The following SPMIP4 variants were observed in gnomAD, a reference collection of about 807,000 sequenced individuals.
The protein encoded by SPMIP4 is sperm-associated microtubule inner protein 4.
the SPMIP4 span, among the ~76,000 whole-genome samples, chr7:25,158,887 C>T: frequency 6.6e-6 from 1 of 151,944 alleles, no homozygotes; most frequent in South Asian, 2.1e-4. Flanking sequence ...ATGATATACC[C>T]CATTTTCAAA....
the SPMIP4 span, chr7:25,142,461 T>C: frequency 1.2e-6 from 1 of 838,246 alleles, no homozygotes; most frequent in Non-Finnish European, 1.8e-6. Flanking sequence ...AAACCAACCC[T>C]ACCTCCCAGC....
chr7:25,168,416 C>T, the SPMIP4 span: 59 of 1,609,734 alleles, frequency 3.7e-5, no homozygotes, highest in East Asian at 6.7e-4. Context: ...TCTCTTTCAG[C>T]GCCCCAAGGA....
the SPMIP4 span, among the ~76,000 whole-genome samples, chr7:25,161,457 G>T: frequency 1.3e-5 from 2 of 151,742 alleles, no homozygotes; most frequent in African/African-American, 4.8e-5. Context: ...GACTTATCTT[G>T]AACTCCTGGG....
At chr7:25,149,158 C>T in the SPMIP4 span, among the ~76,000 whole-genome samples, 1 of 152,298 alleles carries the variant, frequency 6.6e-6, no homozygotes, top group African/African-American at 2.4e-5. Context: ...ACTTAAAAGA[C>T]ATGAGGAGGT....
chr7:25,165,111 T>C, the SPMIP4 span, among the ~76,000 whole-genome samples: 1 of 152,370 alleles, frequency 6.6e-6, no homozygotes, highest in South Asian at 2.1e-4. Flanking sequence ...TTTCATATAA[T>C]GACTTCTTTT....
At chr7:25,140,304 T>C in the SPMIP4 span, among the ~76,000 whole-genome samples, 2 of 152,204 alleles carry the variant, frequency 1.3e-5, no homozygotes, top group East Asian at 3.9e-4. Context: ...TTTTATTTTA[T>C]TTATTAATTT....
the SPMIP4 span, among the ~76,000 whole-genome samples, chr7:25,139,719 T>A: frequency 6.6e-6 from 1 of 152,194 alleles, no homozygotes; most frequent in African/African-American, 2.4e-5. Flanking sequence ...TTTGTTAAAT[T>A]TGTCATAAAA....
chr7:25,177,446 G>A, the SPMIP4 span, among the ~76,000 whole-genome samples: 2 of 152,020 alleles, frequency 1.3e-5, no homozygotes, highest in African/African-American at 4.8e-5. Flanking sequence ...TTGTGCCACT[G>A]CACTCCAGCC....
At chr7:25,149,711 A>G in the SPMIP4 span, among the ~76,000 whole-genome samples, 9 of 152,210 alleles carry the variant, frequency 5.9e-5, no homozygotes, top group Non-Finnish European at 1.2e-4. Flanking sequence ...CAGATGAGGG[A>G]GATATCATTT....
chr7:25,151,248 A>C, the SPMIP4 span, among the ~76,000 whole-genome samples: 1 of 128,168 alleles, frequency 7.8e-6, no homozygotes. Flanking sequence ...TTTTAAACAG[A>C]GTTCACTCTG....
At chr7:25,151,524 A>G in the SPMIP4 span, 223 of 966,816 alleles carry the variant, frequency 2.3e-4, no homozygotes, top group Admixed American at 3.6e-4. Flanking sequence ...TGTCAAGCCT[A>G]GATTTTTATA....
At chr7:25,151,841 T>C in the SPMIP4 span, among the ~76,000 whole-genome samples, 1 of 152,188 alleles carries the variant, frequency 6.6e-6, no homozygotes, top group Non-Finnish European at 1.5e-5. Flanking sequence ...GCTCTTGAAT[T>C]CTTTTTATTT....
the SPMIP4 span, chr7:25,151,759 AT>A: frequency 1.3e-6 from 1 of 771,818 alleles, no homozygotes; most frequent in South Asian, 1.7e-5. Flanking sequence ...TAGAAATGAG[AT>A]AATACAAGGT....
At chr7:25,134,184 C>G in the SPMIP4 span, among the ~76,000 whole-genome samples, 1 of 151,936 alleles carries the variant, frequency 6.6e-6, no homozygotes, top group Non-Finnish European at 1.5e-5. Context: ...CGCTTGAACC[C>G]AGGAGGCGGA....
the SPMIP4 span, among the ~76,000 whole-genome samples, chr7:25,154,552 C>T: frequency 6.6e-6 from 1 of 152,174 alleles, no homozygotes; most frequent in African/African-American, 2.4e-5. Flanking sequence ...ACAAACTACT[C>T]CCATTGCTTT....
chr7:25,137,628 G>C, the SPMIP4 span, among the ~76,000 whole-genome samples: 1 of 152,090 alleles, frequency 6.6e-6, no homozygotes, highest in Admixed American at 6.5e-5. Context: ...AGTGTCCCTT[G>C]GCTTGTAGAG....
the SPMIP4 span, among the ~76,000 whole-genome samples, chr7:25,174,382 C>T: frequency 2.6e-5 from 4 of 152,068 alleles, no homozygotes; most frequent in Non-Finnish European, 5.9e-5. The surrounding 1 kb of genome is among the most constrained non-coding windows in gnomAD (Gnocchi z 4.5). Flanking sequence ...CCATCTCTAG[C>T]GATAGAAAAT....
At chr7:25,139,324 G>T in the SPMIP4 span, among the ~76,000 whole-genome samples, 2 of 152,094 alleles carry the variant, frequency 1.3e-5, no homozygotes, top group African/African-American at 2.4e-5. Flanking sequence ...TGGAAAGATG[G>T]ATAGATTATG....
At chr7:25,158,044 C>T in the SPMIP4 span, among the ~76,000 whole-genome samples, 1 of 152,158 alleles carries the variant, frequency 6.6e-6, no homozygotes. Flanking sequence ...TTACCCTGGA[C>T]TTGTACCAGC....
Sources: gnomAD v4.1 joint callset for allele counts (sites outside exome capture counted in the v4.1 genomes callset) on GRCh38, gnomAD v4.1.1 for gene constraint, Gnocchi (gnomAD v3.1) non-coding constraint, MANE v1.5 for transcripts, NCBI Gene and HGNC (gene_info 2026-07-23, HGNC 2026-07-21) for gene names.